Variants in EP400 observed in about 807,000 individuals in gnomAD.
The protein encoded by EP400 is E1A-binding protein p400.
EP400 carries 105 observed loss-of-function variants against 354.1 expected under a neutral mutation model. The observed-to-expected ratio is 0.30, with a 90% confidence interval of 0.25 to 0.35. EP400 has a LOEUF of 0.35. Among genes scored for constraint, EP400 ranks in the 10% least tolerant of loss-of-function variants. The pLI, the probability that EP400 is intolerant of heterozygous loss-of-function variation, is 1.00. For missense variants in EP400, 3,280 were observed against 4,121.0 expected (o/e 0.80, Z 5.59); for synonymous variants, 1,646 against 1,716.9 (o/e 0.96, Z 1.02).
chr12:131,993,006 G>T (rs906539829), intron 11 of EP400, among the ~76,000 whole-genome samples: 1 of 152,228 alleles, frequency 6.6e-6, no homozygotes, highest in Non-Finnish European at 1.5e-5. Flanking sequence ...GAAACTGGCA[G>T]TATTCAGTTC....
chr12:131,997,053 T>C (rs1220736774), intron 12 of EP400, among the ~76,000 whole-genome samples: 1 of 152,144 alleles, frequency 6.6e-6, no homozygotes, highest in African/African-American at 2.4e-5. Context: ...TGTTGTTTTA[T>C]TATAGCCATG....
chr12:131,984,704 C>T (rs940745965), intron 5 of EP400, among the ~76,000 whole-genome samples: 175 of 146,566 alleles, frequency 1.2e-3, no homozygotes, highest in Non-Finnish European at 2.0e-3. Flanking sequence ...TTTATTTTAT[C>T]TTTTTTTTTT....
chr12:131,963,199 A>G (rs1891956819), intron 2 of EP400, among the ~76,000 whole-genome samples: 1 of 152,234 alleles, frequency 6.6e-6, no homozygotes, highest in Admixed American at 6.5e-5. Flanking sequence ...GACCCTACAT[A>G]TAACAGAGTG....
At chr12:131,984,063 G>T (rs1892771769) in intron 5 of EP400, among the ~76,000 whole-genome samples, 3 of 152,048 alleles carry the variant, frequency 2.0e-5, no homozygotes, top group Admixed American at 2.0e-4. Flanking sequence ...CACCATGCCG[G>T]CTAATTTTGT....
chr12:132,062,150 A>G lies in EP400; in HGVS notation c.7925A>G (p.Gln2642Arg). The G allele has an allele frequency of 1.2e-6, 2 of 1,613,824 alleles. No homozygotes were observed. The highest frequency in any genetic ancestry group is 1.7e-6 in the Non-Finnish European group (2 of 1,179,890). ...GSAPAQVVHT[Q>R]PPPRAVGSPA... is the part of the protein sequence containing the mutation. ...GCTCCCGCCCAGGTGGTGCACACCC[A>G]GCCCCCGCCACGGGCAGTCGGCTCC... The change falls in exon 46 of 53, where the codon CAG becomes CGG. Residue 2642 changes from glutamine to arginine, a missense_variant. Gln to Arg is a conservative substitution (Grantham distance 43). Coordinates refer to ENST00000389561, the MANE Select transcript of EP400 (RefSeq NM_015409.5).
chr12:132,076,798 C>CA (rs1195261851), intron 52 of EP400, among the ~76,000 whole-genome samples: 1 of 152,258 alleles, frequency 6.6e-6, no homozygotes, highest in East Asian at 1.9e-4. Flanking sequence ...GAGGGAGCCT[C>CA]ACCTTGGGCT....
At chr12:132,045,602 A>G in intron 38 of EP400, 42 bp downstream of exon 38, 1 of 1,609,312 alleles carries the variant, frequency 6.2e-7, no homozygotes, top group Non-Finnish European at 8.5e-7. Flanking sequence ...ATGTGCGGTC[A>G]TTTTTCTAAC....
chr12:131,983,297 A>G (rs1383937037), intron 5 of EP400, among the ~76,000 whole-genome samples: 1 of 152,186 alleles, frequency 6.6e-6, no homozygotes, highest in Admixed American at 6.5e-5. Context: ...TGCTTTTGGG[A>G]TGCTATATGC....
intron 15 of EP400, among the ~76,000 whole-genome samples, chr12:132,008,409 C>T (rs576755482): frequency 6.6e-6 from 1 of 152,282 alleles, no homozygotes; most frequent in South Asian, 2.1e-4. Context: ...ATATTTTCTT[C>T]CATTATTTGT....
chr12:132,024,676 G>A (rs1201294117), intron 24 of EP400, among the ~76,000 whole-genome samples: 8 of 148,570 alleles, frequency 5.4e-5, no homozygotes, highest in African/African-American at 7.5e-5. Context: ...AGCAGCCCCC[G>A]CAGCCTCCTT....
Position 131,987,617 on chromosome 12 carries a change from A to G in EP400, c.2224-88A>G, listed in dbSNP as rs1892895333. 5.8e-6 allele frequency: 7 copies of G among 1,201,706 alleles called. No individual in the cohort carries two copies. The South Asian group carries it at 1.0e-4, about 18-fold the overall frequency. 74.4% of individuals were successfully genotyped at this position (1,201,706 alleles called of 1,614,324 possible). A position where few individuals can be genotyped will look rare whatever the true frequency, so the allele number is the denominator to read the frequency against. ...CTTAGTGCCTGACTGAGCCTTTTGCATAGTAGGGCTTCAAATTTCTGGGGT... is the reference window on the plus strand; with the variant it reads ...CTTAGTGCCTGACTGAGCCTTTTGCGTAGTAGGGCTTCAAATTTCTGGGGT... On this transcript the variant is annotated intron_variant, in intron 6 of 52. Coordinates refer to ENST00000389561, the MANE Select transcript of EP400 (RefSeq NM_015409.5).
rs1271669283 is a variant in EP400 at position 132,018,065 on chromosome 12, G to A, written c.4111-145G>A. On this transcript the variant is annotated intron_variant, in intron 20 of 52. Transcript: ENST00000389561. This position sits in a 1 kb window ranked among gnomAD's most constrained non-coding sequence, Gnocchi z 4.0. Reference sequence around the variant, plus strand: ...TGTGGCAGCACCTGTGTATTGGCACGGAGGAGGGTCTGCTTGCCGAGTGGC... The same window carrying A: ...TGTGGCAGCACCTGTGTATTGGCACAGAGGAGGGTCTGCTTGCCGAGTGGC... 7.3e-6 allele frequency: 7 copies of A among 964,298 alleles called. No homozygotes were observed. Among genetic ancestry groups the A allele is most frequent in the African/African-American group, 3.3e-5 (2 of 60,266 alleles). The allele number at this position is 964,298 out of a possible 1,614,324, so 59.7% of individuals were successfully genotyped here.
chr12:131,988,897 A>C (rs939191778), intron 7 of EP400, among the ~76,000 whole-genome samples: 2 of 152,038 alleles, frequency 1.3e-5, no homozygotes, highest in Admixed American at 6.5e-5. Flanking sequence ...TGCTGTCTTC[A>C]TGTAGGGTAG....
At position 131,987,767 on chromosome 12, in the gene EP400, T is replaced by A. The variant is rs372440187; in HGVS notation, c.2286T>A (p.Arg762=). ...AAGCAGGTCTGTGGTCCCAGAGGCG[T>A]CTGCCAAAGCTGCAGGAGGCCCCAC... is the stretch of plus-strand genomic sequence containing the variant. ...LRKAGLWSQR[R]LPKLQEAPRP... is the part of the protein sequence containing the mutation. The change falls in exon 7 of 53, where the codon CGT becomes CGA. Residue 762 remains arginine (R), a synonymous_variant. Coordinates refer to ENST00000389561, the MANE Select transcript of EP400 (RefSeq NM_015409.5). 5.1e-5 allele frequency: 82 copies of A among 1,612,132 alleles called. No homozygotes were observed. Among genetic ancestry groups the A allele is most frequent in the Non-Finnish European group, 5.7e-5 (67 of 1,179,708 alleles).
intron 32 of EP400, among the ~76,000 whole-genome samples, chr12:132,039,875 CAAG>C (rs1894840077): frequency 6.6e-6 from 1 of 152,152 alleles, no homozygotes; most frequent in African/African-American, 2.4e-5. Flanking sequence ...CCCATCTCTA[CAAG>C]AAGAATTTTG....
rs1462472085 is a variant in EP400, at chr12:131,994,450, C to G, written c.2738-417C>G. On this transcript the variant is annotated intron_variant, in intron 11 of 52. Transcript: ENST00000389561. This position sits in a 1 kb window ranked among gnomAD's most constrained non-coding sequence, Gnocchi z 4.6. ...GGAGGGCTGAAGAGAGCGGAGTGGG[C>G]TTGGGTTGGTGATTGTGGAGGACAG... Among the ~76,000 whole-genome samples the G allele has an allele frequency of 1.3e-5, 2 of 151,884 alleles. No homozygotes were observed. Among genetic ancestry groups the G allele is most frequent in the Admixed American group, 6.6e-5 (1 of 15,258 alleles).
At chr12:132,022,397 G>T (rs1386483026) in intron 23 of EP400, among the ~76,000 whole-genome samples, 1 of 152,144 alleles carries the variant, frequency 6.6e-6, no homozygotes, top group Non-Finnish European at 1.5e-5. Context: ...TCCCCTCCTT[G>T]TTCACGGTTA....
Position 132,050,260 on chromosome 12 carries a change from G to A in EP400, c.7201-63G>A. 1.3e-6 allele frequency: 2 copies of A among 1,592,458 alleles called. No homozygotes were observed. Among genetic ancestry groups the A allele is most frequent in the South Asian group, 1.1e-5 (1 of 88,220 alleles). ...CAGATTCCCACCCAGTGAGCCCTGTGTCCCACGCAGCCGTCTGTCCATGCT... is the reference window on the plus strand; with the variant it reads ...CAGATTCCCACCCAGTGAGCCCTGTATCCCACGCAGCCGTCTGTCCATGCT... On this transcript the variant is annotated intron_variant, in intron 39 of 52. Coordinates refer to ENST00000389561, the MANE Select transcript of EP400 (RefSeq NM_015409.5). This position sits in a 1 kb window ranked among gnomAD's most constrained non-coding sequence, Gnocchi z 4.8.
chr12:132,022,303 C>T (rs963065979), intron 23 of EP400, among the ~76,000 whole-genome samples: 7 of 152,172 alleles, frequency 4.6e-5, no homozygotes, highest in Admixed American at 2.6e-4. Context: ...TCCTGTGGGT[C>T]GGTCCTCACC....
Sources: allele counts gnomAD v4.1 joint callset (sites outside exome capture counted in the v4.1 genomes callset), GRCh38; gene constraint gnomAD v4.1.1; non-coding constraint Gnocchi (gnomAD v3.1); transcripts MANE v1.5; gene names NCBI Gene and HGNC (gene_info 2026-07-23, HGNC 2026-07-21).